SLC39A11: variants seen among roughly 807,000 people sequenced by gnomAD.
SLC39A11 encodes the protein solute carrier family 39 member 11.
Under a neutral mutation model 36.1 loss-of-function variants are expected in SLC39A11, and 33 were observed. That is an observed-to-expected ratio of 0.91 (90% CI 0.69 to 1.22). The LOEUF is 1.22. SLC39A11 is among the 50% of genes most tolerant of loss of function. The pLI is 0.00. For synonymous variants in SLC39A11, 166 were observed against 170.3 expected (o/e 0.97, Z 0.20); for missense variants, 432 against 430.3 (o/e 1.00, Z -0.03).
chr17:72,992,793 G>A (rs981652728), intron 4 of SLC39A11: 3 of 152,166 alleles, frequency 2.0e-5, no homozygotes, highest in African/African-American at 7.2e-5. Flanking sequence ...GGTTCAGATT[G>A]GCACATGGGG....
intron 6 of SLC39A11, among the ~76,000 whole-genome samples, chr17:72,808,253 A>G (rs943028854): frequency 1.3e-5 from 2 of 152,158 alleles, no homozygotes; most frequent in African/African-American, 4.8e-5. Context: ...TGGTAGGTGG[A>G]CCTCCAAATA....
chr17:72,687,866 T>C (rs2071831853), intron 7 of SLC39A11, among the ~76,000 whole-genome samples: 1 of 152,180 alleles, frequency 6.6e-6, no homozygotes, highest in Non-Finnish European at 1.5e-5. Flanking sequence ...ATTTTTCACA[T>C]GCAGAAACTG....
chr17:72,940,751 C>G (rs1435293232), intron 5 of SLC39A11, among the ~76,000 whole-genome samples: 1 of 152,160 alleles, frequency 6.6e-6, no homozygotes, highest in Non-Finnish European at 1.5e-5. Flanking sequence ...TCTCCTGACA[C>G]CTGGAATTCC....
chr17:72,935,803 T>C (rs1162865483), intron 5 of SLC39A11, among the ~76,000 whole-genome samples: 1 of 151,436 alleles, frequency 6.6e-6, no homozygotes, highest in Non-Finnish European at 1.5e-5. Flanking sequence ...CAGGCTGGTC[T>C]TGAACTCCTG....
At position 72,903,734 on chromosome 17, in the gene SLC39A11, G is replaced by A. The variant is rs568497228; in HGVS notation, c.430+44018C>T. ...CAATGTGAATTTTTCAAAGTAATCG[G>A]GCTTGATTGGTCTTTTTATTTGTCT... is the stretch of plus-strand genomic sequence containing the variant. On this transcript the variant is annotated intron_variant, in intron 5 of 9. Transcript: ENST00000255559. Among the ~76,000 whole-genome samples the A allele has an allele frequency of 9.9e-5, 15 of 152,252 alleles. No individual in the cohort carries two copies. In the South Asian group the frequency reaches 3.1e-3, roughly 32 times the overall value.
chr17:73,022,296 C>G (rs1383710030), intron 4 of SLC39A11, among the ~76,000 whole-genome samples: 1 of 152,200 alleles, frequency 6.6e-6, no homozygotes, highest in African/African-American at 2.4e-5. Context: ...GCTGTCTTCT[C>G]TAAGAATCAG....
intron 6 of SLC39A11, among the ~76,000 whole-genome samples, chr17:72,833,660 A>G (rs905735615): frequency 6.6e-6 from 1 of 152,218 alleles, no homozygotes. Context: ...ACATAGACCA[A>G]TGATGTTGGC....
intron 5 of SLC39A11, among the ~76,000 whole-genome samples, chr17:72,895,526 C>G (rs2081984982): frequency 6.6e-6 from 1 of 151,578 alleles, no homozygotes; most frequent in Non-Finnish European, 1.5e-5. Context: ...TTGCAGTGAG[C>G]TGAGATAGTG....
At chr17:72,801,322 G>T (rs2077077465) in intron 6 of SLC39A11, among the ~76,000 whole-genome samples, 1 of 151,902 alleles carries the variant, frequency 6.6e-6, no homozygotes, top group African/African-American at 2.4e-5. Context: ...CTGGGTTCAA[G>T]CAACTCTCCT....
intron 6 of SLC39A11, among the ~76,000 whole-genome samples, chr17:72,815,811 A>G (rs2077563159): frequency 6.6e-6 from 1 of 151,620 alleles, no homozygotes; most frequent in Non-Finnish European, 1.5e-5. Context: ...AGTTCCAGCT[A>G]CTTGGGAGAT....
In SLC39A11 at chr17:72,769,794, C is replaced by T. The variant is rs1188428246; in HGVS notation, c.602-33075G>A. On this transcript the variant is annotated intron_variant, in intron 6 of 9. Transcript: ENST00000255559. ...TTTTGACCTTGTGATCTGCCTGCCT[C>T]GGCCTCCCAAAGTGCTGGGATTACA... Among the ~76,000 whole-genome samples, 9 of 152,236 alleles carry T rather than the reference C, an allele frequency of 5.9e-5. No homozygotes were observed. The South Asian group carries it at 6.2e-4, about 11-fold the overall frequency.
intron 6 of SLC39A11, among the ~76,000 whole-genome samples, chr17:72,824,391 T>A (rs1567772585): frequency 6.6e-6 from 1 of 151,370 alleles, no homozygotes; most frequent in South Asian, 2.1e-4. Flanking sequence ...GCCAATTAAA[T>A]CTCTTTTCTT....
chr17:72,991,778 A>G (rs1446896272), intron 4 of SLC39A11, among the ~76,000 whole-genome samples: 2 of 152,224 alleles, frequency 1.3e-5, no homozygotes, highest in African/African-American at 4.8e-5. Context: ...TCACCATTAC[A>G]AGAAATGCTG....
At chr17:73,006,084 CACG>C (rs2090162546) in intron 4 of SLC39A11, among the ~76,000 whole-genome samples, 1 of 152,148 alleles carries the variant, frequency 6.6e-6, no homozygotes, top group Admixed American at 6.5e-5. Context: ...GAGTCATTGT[CACG>C]ACATGTCCCG....
At chr17:73,070,276 C>T (rs1235277083) in intron 3 of SLC39A11, among the ~76,000 whole-genome samples, 19 of 152,150 alleles carry the variant, frequency 1.2e-4, no homozygotes. Context: ...ATGCCCCCAA[C>T]CCAGGCTGGT....
chr17:73,049,138 A>T (rs1339356958), intron 3 of SLC39A11, among the ~76,000 whole-genome samples: 4 of 152,268 alleles, frequency 2.6e-5, no homozygotes. Context: ...GTCGGCAAGT[A>T]GCTGGGATTC....
At chr17:72,953,654 C>T (rs995700859) in intron 4 of SLC39A11, among the ~76,000 whole-genome samples, 2 of 152,226 alleles carry the variant, frequency 1.3e-5, no homozygotes, top group Admixed American at 6.5e-5. Flanking sequence ...CGAACTAAGG[C>T]CCCCCCTACA....
intron 4 of SLC39A11, among the ~76,000 whole-genome samples, chr17:72,985,353 C>T (rs1191644114): frequency 6.6e-6 from 1 of 150,568 alleles, no homozygotes; most frequent in Non-Finnish European, 1.5e-5. Context: ...TCAGGTATTA[C>T]CCACTTGTGA....
chr17:73,069,797 T>C (rs1389043268), intron 3 of SLC39A11, among the ~76,000 whole-genome samples: 4 of 152,222 alleles, frequency 2.6e-5, no homozygotes, highest in Admixed American at 2.0e-4. Flanking sequence ...TGGTTGGTAC[T>C]AAGATGCATA....
Sources: gnomAD v4.1 joint callset for allele counts (sites outside exome capture counted in the v4.1 genomes callset) on GRCh38, gnomAD v4.1.1 for gene constraint, MANE v1.5 for transcripts, NCBI Gene and HGNC (gene_info 2026-07-23, HGNC 2026-07-21) for gene names.